CNOT6: variants seen among roughly 807,000 people sequenced by gnomAD.
CNOT6 encodes carbon catabolite repression 4 protein.
Under a neutral mutation model 61.2 loss-of-function variants are expected in CNOT6, and 12 were observed. The ratio of observed to expected loss-of-function variants is 0.20; its 90% CI spans 0.13 to 0.32. The LOEUF is 0.32. Among genes scored for constraint, CNOT6 ranks in the 10% least tolerant of loss-of-function variants. The pLI is 1.00. For missense variants in CNOT6, 405 were observed against 663.9 expected (o/e 0.61, Z 4.28); for synonymous variants, 225 against 240.6 (o/e 0.94, Z 0.60).
intron 10 of CNOT6, 45 bp from the exon 11 acceptor site, chr5:180,571,184 AC>A: frequency 7.7e-7 from 1 of 1,306,328 alleles, no homozygotes; most frequent in Non-Finnish European, 1.1e-6. Flanking sequence ...TTTTAAAATT[AC>A]TTTTTGTATA....
chr5:180,499,469 TATTGGA>T (rs969630153), intron 1 of CNOT6, among the ~76,000 whole-genome samples: 7 of 152,316 alleles, frequency 4.6e-5, no homozygotes, highest in African/African-American at 1.4e-4. Flanking sequence ...TCTAGTAAAT[TATTGGA>T]ATTGGAATAG....
At chr5:180,558,885 C>G (rs1760033828) in intron 4 of CNOT6, among the ~76,000 whole-genome samples, 1 of 152,136 alleles carries the variant, frequency 6.6e-6, no homozygotes, top group African/African-American at 2.4e-5. Context: ...CCCAAGCAAT[C>G]CCCCCACCTC....
chr5:180,542,334 G>A (rs913467469), intron 2 of CNOT6, among the ~76,000 whole-genome samples: 72 of 151,200 alleles, frequency 4.8e-4, no homozygotes, highest in Admixed American at 9.3e-4. Flanking sequence ...GTGCAATCTC[G>A]GCTCACCGCA....
At chr5:180,538,639 G>T (rs867299952) in intron 2 of CNOT6, among the ~76,000 whole-genome samples, 8 of 149,492 alleles carry the variant, frequency 5.4e-5, no homozygotes, top group African/African-American at 1.5e-4. Context: ...AGTAAGCCAA[G>T]ATTACACCAG....
chr5:180,539,176 A>G (rs1179539647), intron 2 of CNOT6, among the ~76,000 whole-genome samples: 3 of 150,354 alleles, frequency 2.0e-5, no homozygotes, highest in Non-Finnish European at 4.4e-5. Flanking sequence ...TCCATCTCAA[A>G]AAAAAAAAAA....
At chr5:180,503,866 A>G (rs991066555) in intron 1 of CNOT6, among the ~76,000 whole-genome samples, 1 of 151,864 alleles carries the variant, frequency 6.6e-6, no homozygotes, top group Non-Finnish European at 1.5e-5. Context: ...TAGCCTCCCA[A>G]AGTGCTGGGA....
rs192808517 is a variant in CNOT6, at chr5:180,573,478, A to T, written c.1462-510A>T. Among the ~76,000 whole-genome samples, 90 of 152,134 alleles carry T rather than the reference A, an allele frequency of 5.9e-4. 1 individual carries two copies. The highest frequency in any genetic ancestry group is 1.0e-3 in the Non-Finnish European group (71 of 68,000). ...TCTTTGGAAAGCAGTTGAACCTGACATTGAAAGATTAAGAAGGAATTGACC... is the reference window on the plus strand; with the variant it reads ...TCTTTGGAAAGCAGTTGAACCTGACTTTGAAAGATTAAGAAGGAATTGACC... On this transcript the variant is annotated intron_variant, in intron 11 of 11. Transcript: ENST00000261951.
At chr5:180,523,612 C>T (rs1219735717) in intron 1 of CNOT6, among the ~76,000 whole-genome samples, 1 of 152,070 alleles carries the variant, frequency 6.6e-6, no homozygotes, top group Non-Finnish European at 1.5e-5. Context: ...TCTGCTTGGT[C>T]TTTGTGGGTA....
chr5:180,563,483 C>A (rs921038569), intron 4 of CNOT6, among the ~76,000 whole-genome samples: 1 of 151,982 alleles, frequency 6.6e-6, no homozygotes, highest in Non-Finnish European at 1.5e-5. Context: ...ACCTCGTGAT[C>A]CGCCCGCCTC....
rs2127762443 is a variant in CNOT6 at position 180,565,986 on chromosome 5, G to C, written c.717+9G>C. ...ATATCGTAAGTCTTCAGGTAAGTCA[G>C]ACAGAAGACAGTCAACCTAGCATTG... On this transcript the variant is annotated intron_variant, in intron 7 of 11. Coordinates refer to ENST00000261951, the MANE Select transcript of CNOT6 (RefSeq NM_001370472.1). The C allele has an allele frequency of 1.2e-6, 2 of 1,607,754 alleles. No homozygotes were observed. Among genetic ancestry groups the C allele is most frequent in the Non-Finnish European group, 1.7e-6 (2 of 1,176,260 alleles).
At chr5:180,509,126 ATTTTAT>A (rs910280150) in intron 1 of CNOT6, among the ~76,000 whole-genome samples, 1 of 150,182 alleles carries the variant, frequency 6.7e-6, no homozygotes, top group Non-Finnish European at 1.5e-5. Flanking sequence ...GGCCTATTTT[ATTTTAT>A]TTTTATTTTT....
intron 1 of CNOT6, among the ~76,000 whole-genome samples, chr5:180,518,166 A>G (rs548270134): frequency 6.6e-6 from 1 of 152,108 alleles, no homozygotes; most frequent in Admixed American, 6.5e-5. Flanking sequence ...GTTTCATTTC[A>G]TTGTGATTAT....
At chr5:180,564,891 T>C (rs1229696014) in intron 6 of CNOT6, 148 bp downstream of exon 6, 2 of 640,832 alleles carry the variant, frequency 3.1e-6, no homozygotes, top group African/African-American at 1.8e-5. Context: ...GAATTCTTGC[T>C]CACATGACCT....
At chr5:180,524,984 T>G (rs1239535652) in intron 1 of CNOT6, among the ~76,000 whole-genome samples, 4 of 152,218 alleles carry the variant, frequency 2.6e-5, no homozygotes, top group Non-Finnish European at 4.4e-5. Flanking sequence ...AGGTTATTAC[T>G]GATACATGCG....
chr5:180,574,174 G>A lies in CNOT6; in HGVS notation c.1648G>A (p.Gly550Ser), dbSNP rs1194342659. Reference sequence around the variant, plus strand: ...ACTGCCTTTCCTGCCCCAAGTCAACGGCATCCACCTTCCTGGCAGGAGGTA... The same window carrying A: ...ACTGCCTTTCCTGCCCCAAGTCAACAGCATCCACCTTCCTGGCAGGAGGTA... ...LLLPFLPQVN[G>S]IHLPGRR Residue 550 changes from glycine (G) to serine (S), a missense_variant, in exon 12 of 12, where the codon GGC becomes AGC. Gly to Ser is a moderately conservative substitution (Grantham distance 56). Transcript: ENST00000261951. 6.2e-7 allele frequency: 1 copy of A among 1,613,432 alleles called. No homozygotes were observed. The highest frequency in any genetic ancestry group is 8.5e-7 in the Non-Finnish European group (1 of 1,179,966).
intron 1 of CNOT6, among the ~76,000 whole-genome samples, chr5:180,525,540 A>G (rs1451674469): frequency 3.6e-5 from 5 of 139,892 alleles, no homozygotes; most frequent in African/African-American, 1.3e-4. Flanking sequence ...CCCTGTCTCA[A>G]AAAAAAAAAA....
At chr5:180,562,724 A>AG (rs1223557508) in intron 4 of CNOT6, among the ~76,000 whole-genome samples, 5 of 152,030 alleles carry the variant, frequency 3.3e-5, no homozygotes, top group African/African-American at 1.2e-4. Flanking sequence ...TGGGCAACAG[A>AG]GCGAGACTCC....
Position 180,574,265 on chromosome 5 carries a change from G to A in CNOT6, c.*65G>A. The stretch of plus-strand genomic sequence containing the variant: ...CTTGTGAAAATCTGAACATAGGGGA[G>A]TGAGGTATGGCCACTGAGGATTTTT... On this transcript the variant is annotated 3_prime_UTR_variant, in exon 12 of 12. Coordinates refer to ENST00000261951, the MANE Select transcript of CNOT6 (RefSeq NM_001370472.1). 2.3e-6 allele frequency: 3 copies of A among 1,322,220 alleles called. No homozygotes were observed. Among genetic ancestry groups the A allele is most frequent in the Non-Finnish European group, 2.2e-6 (2 of 916,360 alleles). 81.9% of individuals were successfully genotyped at this position (1,322,220 alleles called of 1,614,324 possible). A position where few individuals can be genotyped will look rare whatever the true frequency, so the allele number is the denominator to read the frequency against.
chr5:180,536,171 AT>A (rs35437079), intron 2 of CNOT6, among the ~76,000 whole-genome samples: 130,641 of 150,018 alleles, frequency 0.87, 57,247 homozygotes, highest in East Asian at 1. Flanking sequence ...AATTTTTTGT[AT>A]TTTTTTTTAG....
Sources: gnomAD v4.1 joint callset for allele counts (sites outside exome capture counted in the v4.1 genomes callset) on GRCh38, gnomAD v4.1.1 for gene constraint, MANE v1.5 for transcripts, NCBI Gene and HGNC (gene_info 2026-07-23, HGNC 2026-07-21) for gene names.